Variants in PACC1 observed in about 807,000 individuals in gnomAD.
The protein encoded by PACC1 is proton activated chloride channel 1.
In PACC1, 34 loss-of-function variants were observed where a neutral mutation model predicts 39.7. The observed-to-expected ratio is 0.86, with a 90% CI of 0.65 to 1.14. The LOEUF (loss-of-function observed/expected upper bound fraction) is 1.14, where lower values mean the gene tolerates loss of function less well. Among genes scored for constraint, PACC1 ranks in the 50% most tolerant of loss-of-function variants. PACC1 has a pLI of 0.00. For synonymous variants in PACC1, 127 were observed against 160.6 expected (o/e 0.79, Z 1.58); for missense variants, 379 against 436.4 (o/e 0.87, Z 1.17).
intron 4 of PACC1, among the ~76,000 whole-genome samples, chr1:212,384,823 C>T (rs1029647191): frequency 3.3e-5 from 5 of 152,232 alleles, no homozygotes; most frequent in South Asian, 2.1e-4. Context: ...CGCTCCTTTA[C>T]GCTGGCGTAT....
intron 2 of PACC1, among the ~76,000 whole-genome samples, chr1:212,400,634 G>A (rs1457680264): frequency 1.3e-5 from 2 of 152,014 alleles, no homozygotes; most frequent in African/African-American, 4.8e-5. Flanking sequence ...AAAAAACAGT[G>A]CTGGTTATTT....
intron 2 of PACC1, among the ~76,000 whole-genome samples, chr1:212,388,740 G>C (rs1661195516): frequency 1.3e-5 from 2 of 152,190 alleles, no homozygotes; most frequent in Non-Finnish European, 2.9e-5. Flanking sequence ...ATAAATTTCT[G>C]TTGTTTATGC....
At chr1:212,396,246 AC>A (rs1661512225) in intron 2 of PACC1, among the ~76,000 whole-genome samples, 1 of 152,240 alleles carries the variant, frequency 6.6e-6, no homozygotes, top group Non-Finnish European at 1.5e-5. Context: ...ACCATGGCAT[AC>A]TATGCAGCCA....
At chr1:212,402,812 G>T (rs115581970) in intron 2 of PACC1, among the ~76,000 whole-genome samples, 3,370 of 152,216 alleles carry the variant, frequency 0.022, 46 homozygotes, top group African/African-American at 0.025. Context: ...GAGCCACCAT[G>T]CCTGGCTAAC....
intron 2 of PACC1, among the ~76,000 whole-genome samples, chr1:212,393,374 T>G (rs1661398053): frequency 6.6e-6 from 1 of 152,204 alleles, no homozygotes; most frequent in African/African-American, 2.4e-5. Context: ...AATAAAGATG[T>G]TCTTTGAAAC....
At chr1:212,406,014 T>C (rs2102538384) in intron 2 of PACC1, among the ~76,000 whole-genome samples, 1 of 146,688 alleles carries the variant, frequency 6.8e-6, no homozygotes, top group South Asian at 2.1e-4. Flanking sequence ...TGGTGGCGCA[T>C]GTCTGTAGTC....
Position 212,376,462 on chromosome 1 carries a change from T to C in PACC1, c.783+1100A>G, listed in dbSNP as rs559941907. ...TTCACCCTTTGGTTTCGGATCACAG[T>C]GGGAGCTATCAGAAAATCCAGGGTA... On this transcript the variant is annotated intron_variant, in intron 6 of 7. Transcript: ENST00000261455. Among the ~76,000 whole-genome samples the C allele has an allele frequency of 5.9e-5, 9 of 152,282 alleles. No homozygotes were observed. The East Asian group carries it at 1.7e-3, about 29-fold the overall frequency.
chr1:212,404,703 C>CT (rs547795519), intron 2 of PACC1, among the ~76,000 whole-genome samples: 496 of 140,320 alleles, frequency 3.5e-3, no homozygotes, highest in Middle Eastern at 7.4e-3. Flanking sequence ...GCCTTCCTTC[C>CT]TTTTTTTTTT....
At chr1:212,391,931 T>C (rs990008977) in intron 2 of PACC1, among the ~76,000 whole-genome samples, 1 of 151,846 alleles carries the variant, frequency 6.6e-6, no homozygotes, top group African/African-American at 2.4e-5. Context: ...CTCCAAGAAA[T>C]ATGGGACTAT....
At chr1:212,395,217 T>C (rs562705792) in intron 2 of PACC1, among the ~76,000 whole-genome samples, 1 of 152,322 alleles carries the variant, frequency 6.6e-6, no homozygotes, top group African/African-American at 2.4e-5. Context: ...CAAAACAGCA[T>C]GGTACTGGTA....
intron 1 of PACC1, among the ~76,000 whole-genome samples, chr1:212,411,319 G>A (rs1662120416): frequency 6.6e-6 from 1 of 152,184 alleles, no homozygotes; most frequent in African/African-American, 2.4e-5. Flanking sequence ...TGAAGGTGGT[G>A]TCAGAGCTCT....
intron 7 of PACC1, among the ~76,000 whole-genome samples, chr1:212,373,863 G>A (rs1341914207): frequency 2.6e-5 from 4 of 152,092 alleles, no homozygotes; most frequent in African/African-American, 9.7e-5. Context: ...AACAGATGCT[G>A]GTGAAGATGT....
intron 2 of PACC1, 108 bp downstream of exon 2, chr1:212,410,317 A>G: frequency 1.1e-6 from 1 of 946,464 alleles, no homozygotes; most frequent in Non-Finnish European, 1.7e-6. Flanking sequence ...TTGAGACCTG[A>G]CACCAGGGTG....
intron 1 of PACC1, among the ~76,000 whole-genome samples, chr1:212,414,442 T>C (rs982289476): frequency 3.3e-5 from 5 of 152,214 alleles, no homozygotes; most frequent in Non-Finnish European, 7.3e-5. Flanking sequence ...ATCATTCACC[T>C]GCTGGTTACG....
chr1:212,374,618 A>G (rs1285824618), intron 7 of PACC1, among the ~76,000 whole-genome samples: 2 of 152,236 alleles, frequency 1.3e-5, no homozygotes, highest in African/African-American at 2.4e-5. Flanking sequence ...ATTTTTGATC[A>G]TTAGACTTTG....
At chr1:212,372,261 GGA>G (rs1029247044) in intron 7 of PACC1, among the ~76,000 whole-genome samples, 3 of 150,204 alleles carry the variant, frequency 2.0e-5, no homozygotes, top group Non-Finnish European at 4.4e-5. Flanking sequence ...CTCCAGGCTG[GGA>G]GACAGAATGA....
intron 7 of PACC1, among the ~76,000 whole-genome samples, chr1:212,373,081 C>T (rs1433824301): frequency 6.6e-6 from 1 of 152,158 alleles, no homozygotes. Context: ...AAGCTGAAGG[C>T]ATCACACTAC....
At chr1:212,390,251 C>T (rs1053599161) in intron 2 of PACC1, among the ~76,000 whole-genome samples, 6 of 151,542 alleles carry the variant, frequency 4.0e-5, no homozygotes, top group East Asian at 1.9e-4. Context: ...GGTGAAACCC[C>T]GTCTCTACTA....
intron 4 of PACC1, among the ~76,000 whole-genome samples, chr1:212,381,007 G>A (rs1430587369): frequency 6.6e-6 from 1 of 152,044 alleles, no homozygotes; most frequent in Non-Finnish European, 1.5e-5. Context: ...GAAAAAGAGT[G>A]AGTACACTGT....
Sources: allele counts gnomAD v4.1 joint callset (sites outside exome capture counted in the v4.1 genomes callset), GRCh38; gene constraint gnomAD v4.1.1; transcripts MANE v1.5; gene names NCBI Gene and HGNC (gene_info 2026-07-23, HGNC 2026-07-21).